The following OCRL variants were observed in gnomAD, a reference collection of about 807,000 sequenced individuals.
OCRL encodes the protein inositol polyphosphate 5-phosphatase OCRL.
A neutral mutation model predicts 78.9 loss-of-function variants in OCRL; 8 were observed. The ratio of observed to expected loss-of-function variants is 0.10; its 90% CI spans 0.06 to 0.18. The LOEUF (loss-of-function observed/expected upper bound fraction) is 0.18. OCRL is among the 10% of genes least tolerant of loss of function. The probability of loss-of-function intolerance (pLI) is 1.00; values close to 1 mark genes in which losing one functional copy is unlikely to be tolerated. For missense variants in OCRL, 454 were observed against 696.7 expected, an observed-to-expected ratio of 0.65 and a Z score of 3.92; for synonymous variants, 240 against 235.4, an observed-to-expected ratio of 1.02 and a Z score of -0.18.
In OCRL at chrX:129,590,720, G is replaced by T. The variant is rs1228727214; in HGVS notation, c.*450G>T. 3 of 174,022 alleles carry T rather than the reference G, an allele frequency of 1.7e-5. No individual in the cohort carries two copies. Among genetic ancestry groups the T allele is most frequent in the Non-Finnish European group, 3.2e-5 (3 of 92,323 alleles). 14.3% of individuals were successfully genotyped at this position (174,022 alleles called of 1,213,427 possible). A position where few individuals can be genotyped will look rare whatever the true frequency, so the allele number is the denominator to read the frequency against. On this transcript the variant is annotated 3_prime_UTR_variant, in exon 24 of 24. Transcript: ENST00000371113. ...CCACCCCTTCCTGGATCACTCCTTT[G>T]CACTCCACTCCCCTCGTTCTGTCAC...
At chrX:129,561,437 T>A in intron 10 of OCRL, 144 bp downstream of exon 10, 1 of 465,834 alleles carries the variant, frequency 2.1e-6, no homozygotes, top group Non-Finnish European at 3.9e-6. Flanking sequence ...AGATTGATCA[T>A]TCATCCTTAT....
chrX:129,583,734 G>C (rs1264806340), intron 18 of OCRL, among the ~76,000 whole-genome samples: 1 of 110,955 alleles, frequency 9.0e-6, no homozygotes, highest in Non-Finnish European at 1.9e-5. Flanking sequence ...ATGCCCAATA[G>C]GAAAATAAAA....
At chrX:129,563,193 A>T (rs1175046682) in intron 12 of OCRL, among the ~76,000 whole-genome samples, 1 of 112,039 alleles carries the variant, frequency 8.9e-6, no homozygotes, top group Non-Finnish European at 1.9e-5. Context: ...GTAGCCTTTT[A>T]GATCTGTACT....
chrX:129,564,658 G>A (rs1365311819), intron 12 of OCRL, among the ~76,000 whole-genome samples: 1 of 109,835 alleles, frequency 9.1e-6, no homozygotes, highest in Non-Finnish European at 1.9e-5. Flanking sequence ...ACTCATAGGT[G>A]GGAATTGAAC....
rs1936352710 is a variant in OCRL at position 129,575,173 on chromosome X, G to A, written c.1636G>A (p.Val546Ile). 1 of 1,209,645 alleles carries A rather than the reference G, an allele frequency of 8.3e-7. No individual in the cohort carries two copies. Among genetic ancestry groups the A allele is most frequent in the Non-Finnish European group, 1.1e-6 (1 of 893,283 alleles). ...KVVDERRYRK[V>I]FEDSVRIMDR... ...TGTGGATGAACGAAGGTACCGGAAA[G>A]TCTTTGAAGATAGTGTACGCATCAT... The change falls in exon 16 of 24, where the codon GTC becomes ATC. Residue 546 changes from valine to isoleucine, a missense_variant. Around this residue, in one of 2 missense-constraint regions of OCRL, gnomAD observed 277 missense variants for 517.1 expected, o/e 0.54. Coordinates refer to ENST00000371113, the MANE Select transcript of OCRL (RefSeq NM_000276.4).
intron 4 of OCRL, among the ~76,000 whole-genome samples, chrX:129,554,996 T>TAAAA (rs970421143): frequency 3.3e-5 from 3 of 91,067 alleles, no homozygotes; most frequent in African/African-American, 8.7e-5. Flanking sequence ...AATAAATAAA[T>TAAAA]AAATAAAAAT....
At chrX:129,541,812 A>G (rs1165735100) in intron 2 of OCRL, among the ~76,000 whole-genome samples, 1 of 112,125 alleles carries the variant, frequency 8.9e-6, no homozygotes, top group Non-Finnish European at 1.9e-5. Flanking sequence ...TTTACACGGA[A>G]GAAATTCCCA....
intron 22 of OCRL, chrX:129,589,464 G>T: frequency 3.5e-6 from 1 of 284,747 alleles, no homozygotes; most frequent in South Asian, 4.0e-5. Context: ...TCCATGCTAA[G>T]TGACATTGTA....
intron 5 of OCRL, 104 bp from the exon 6 acceptor site, chrX:129,557,757 T>C: frequency 1.6e-6 from 1 of 619,581 alleles, no homozygotes; most frequent in Non-Finnish European, 2.8e-6. Flanking sequence ...AAAATGGTGC[T>C]GGCCCCTGCA....
At position 129,567,270 on chromosome X, in the gene OCRL, C is replaced by T; in HGVS notation, c.1373C>T (p.Thr458Ile). ...LKFDQLNIQR[T>I]QKKAFVDFNE... ...TATCTGTAGCTAAATATTCAGCGCA[C>T]ACAGAAAAAAGCTTTTGTTGACTTC... The change falls in exon 14 of 24, where the codon ACA becomes ATA. Residue 458 changes from threonine (T) to isoleucine (I), a missense_variant. Transcript: ENST00000371113. 1 of 1,203,312 alleles carries T rather than the reference C, an allele frequency of 8.3e-7. No homozygotes were observed. Among genetic ancestry groups the T allele is most frequent in the Non-Finnish European group, 1.1e-6 (1 of 887,772 alleles).
At chrX:129,556,288 C>A (rs1333265329) in intron 4 of OCRL, among the ~76,000 whole-genome samples, 1 of 111,546 alleles carries the variant, frequency 9.0e-6, no homozygotes, top group Non-Finnish European at 1.9e-5. Flanking sequence ...TTACTGTCAC[C>A]AGTAGAGTGA....
intron 22 of OCRL, 93 bp downstream of exon 22, chrX:129,589,106 G>A (rs750545410): frequency 8.1e-6 from 8 of 981,752 alleles, no homozygotes; most frequent in Non-Finnish European, 1.1e-5. Flanking sequence ...CCAGCTGTCT[G>A]GTAGGATGGG....
intron 3 of OCRL, among the ~76,000 whole-genome samples, chrX:129,548,048 TGAAG>T (rs1935913035): frequency 8.9e-6 from 1 of 111,908 alleles, no homozygotes; most frequent in South Asian, 3.8e-4. Context: ...AGTTGTAACC[TGAAG>T]GTATACTCTG....
chrX:129,587,107 G>T lies in OCRL; in HGVS notation c.2245G>T (p.Ala749Ser), dbSNP rs751678290. The change falls in exon 20 of 24, where the codon GCC (alanine) becomes TCC (serine). Residue 749 changes from alanine to serine, a missense_variant. This residue lies in a region of OCRL where 277 missense variants were observed against 517.1 expected (regional missense o/e 0.54). Coordinates refer to ENST00000371113, the MANE Select transcript of OCRL (RefSeq NM_000276.4). ...WLLVDHLFKYACHQEDLFQTP... is the reference protein window; with the variant it reads ...WLLVDHLFKYSCHQEDLFQTP... The stretch of plus-strand genomic sequence containing the variant: ...TCTAGTAGATCACCTATTCAAATAC[G>T]CCTGTCACCAGGTAAGTGAGAGTAG... The T allele has an allele frequency of 7.3e-5, 85 of 1,172,100 alleles. No homozygotes were observed. The East Asian group carries it at 2.5e-3, about 34-fold the overall frequency.
At chrX:129,544,239 A>G (rs957696558) in intron 2 of OCRL, among the ~76,000 whole-genome samples, 1 of 111,716 alleles carries the variant, frequency 9.0e-6, no homozygotes, top group African/African-American at 3.3e-5. Flanking sequence ...AAAAATTAAT[A>G]TTTCAGGAGT....
rs1936585060 is a variant in OCRL at position 129,591,412 on chromosome X, A to G, written c.*1142A>G. 1.8e-5 allele frequency: 2 copies of G among 112,071 alleles called. No individual in the cohort carries two copies. Among genetic ancestry groups the G allele is most frequent in the Admixed American group, 1.9e-4 (2 of 10,567 alleles). 9.2% of individuals were successfully genotyped at this position (112,071 alleles called of 1,213,427 possible). A position where few individuals can be genotyped will look rare whatever the true frequency, so the allele number is the denominator to read the frequency against. On this transcript the variant is annotated 3_prime_UTR_variant, in exon 24 of 24. Coordinates refer to ENST00000371113, the MANE Select transcript of OCRL (RefSeq NM_000276.4). ...GTGTTGTGTAAAGAGACTGGCCAAC[A>G]GGACCAACCAAGCACCTTACCTCTC...
Position 129,551,183 on chromosome X carries a change from AG to A in OCRL, c.238+2583del, listed in dbSNP as rs754158596. 2.7e-5 allele frequency among the ~76,000 whole-genome samples: 3 copies of A among 111,605 alleles called. No individual in the cohort carries two copies. The South Asian group carries it at 1.1e-3, about 42-fold the overall frequency. On this transcript the variant is annotated intron_variant, in intron 4 of 23. Coordinates refer to ENST00000371113, the MANE Select transcript of OCRL (RefSeq NM_000276.4). ...ATTTCTCAGGCACTTTTGTAAGTGCAGAATCAGTACAGAACGACAAAGATAA... is the reference window on the plus strand; with the variant it reads ...ATTTCTCAGGCACTTTTGTAAGTGCAAATCAGTACAGAACGACAAAGATAA...
intron 18 of OCRL, among the ~76,000 whole-genome samples, chrX:129,583,854 G>C (rs962487801): frequency 6.3e-5 from 7 of 111,288 alleles, no homozygotes; most frequent in African/African-American, 2.0e-4. Flanking sequence ...GGAGGGGATT[G>C]GGTACGAGGA....
At position 129,558,716 on chromosome X, in the gene OCRL, C is replaced by T. The variant is rs139190121; in HGVS notation, c.523C>T (p.Arg175Trp). ...ACAAAATCAGCCTACTGGGATTCAT[C>T]GGGAACCCCCACCTCCACCCTTTTC... ...NSQNQPTGIH[R>W]EPPPPPFSVN... Residue 175 changes from arginine (R) to tryptophan (W), a missense_variant, in exon 7 of 24, where the codon CGG (arginine) becomes TGG (tryptophan). Coordinates refer to ENST00000371113, the MANE Select transcript of OCRL (RefSeq NM_000276.4). 15 of 1,210,082 alleles carry T rather than the reference C, an allele frequency of 1.2e-5. No individual in the cohort carries two copies. Among genetic ancestry groups the T allele is most frequent in the East Asian group, 5.9e-5 (2 of 33,805 alleles).
Sources: allele counts gnomAD v4.1 joint callset (sites outside exome capture counted in the v4.1 genomes callset), GRCh38; gene constraint gnomAD v4.1.1; regional missense constraint gnomAD v4.1.1; transcripts MANE v1.5; gene names NCBI Gene and HGNC (gene_info 2026-07-23, HGNC 2026-07-21).